PDE3A: variants seen among roughly 807,000 people sequenced by gnomAD.
PDE3A encodes cGMP-inhibited 3',5'-cyclic phosphodiesterase 3A.
In PDE3A, 43 loss-of-function variants were observed where a neutral mutation model predicts 98.3. The ratio of observed to expected loss-of-function variants is 0.44; its 90% CI spans 0.34 to 0.56. The LOEUF (loss-of-function observed/expected upper bound fraction) is 0.56, where lower values mean the gene tolerates loss of function less well. Ranked by LOEUF, PDE3A falls within the 20% of genes least tolerant of loss-of-function variation. The pLI is 0.01. For synonymous variants in PDE3A, 663 were observed against 567.9 expected (o/e 1.17, Z -2.38); for missense variants, 1,427 against 1,440.7 (o/e 0.99, Z 0.15).
Position 20,637,115 on chromosome 12 carries a change from G to T in PDE3A, c.2017G>T (p.Ala673Ser). Reference sequence around the variant, plus strand: ...AACATTACAGGACAAACCAATTCTTGCTCCCGAACCTCTTGTCATGGATAA... The same window carrying T: ...AACATTACAGGACAAACCAATTCTTTCTCCCGAACCTCTTGTCATGGATAA... ...TMMFLDKPIL[A>S]PEPLVMDNLD... Residue 673 changes from alanine to serine, a missense_variant, in exon 9 of 16, where the codon GCT becomes TCT. Ala to Ser is a moderately conservative substitution (Grantham distance 99, BLOSUM62 1). Around this residue, in one of 3 missense-constraint regions of PDE3A, gnomAD observed 1,012 missense variants for 886.5 expected, o/e 1.14. Coordinates refer to ENST00000359062, the MANE Select transcript of PDE3A (RefSeq NM_000921.5). 1 of 1,606,016 alleles carries T rather than the reference G, an allele frequency of 6.2e-7. No individual in the cohort carries two copies. Among genetic ancestry groups the T allele is most frequent in the African/African-American group, 1.3e-5 (1 of 74,524 alleles).
At chr12:20,507,924 G>A (rs532897260) in intron 1 of PDE3A, among the ~76,000 whole-genome samples, 2 of 152,086 alleles carry the variant, frequency 1.3e-5, no homozygotes, top group Non-Finnish European at 2.9e-5. Flanking sequence ...AAATTAGCCC[G>A]AGTGATCCTT....
At chr12:20,424,406 A>AT (rs1373549349) in intron 1 of PDE3A, among the ~76,000 whole-genome samples, 2 of 131,344 alleles carry the variant, frequency 1.5e-5, no homozygotes, top group Admixed American at 8.1e-5. Flanking sequence ...TTAGTAGAAA[A>AT]ATTTTTCTAT....
chr12:20,520,558 G>A (rs1489986495), intron 1 of PDE3A, among the ~76,000 whole-genome samples: 2 of 152,204 alleles, frequency 1.3e-5, no homozygotes, highest in South Asian at 2.1e-4. Context: ...ATGTCTGCCA[G>A]TAGAATGAGA....
At chr12:20,593,547 GAA>G (rs11346487) in intron 2 of PDE3A, among the ~76,000 whole-genome samples, 1,542 of 146,734 alleles carry the variant, frequency 0.011, 18 homozygotes, top group African/African-American at 0.03. Flanking sequence ...GCTTTTTAAG[GAA>G]AAAAAAAAAA....
intron 2 of PDE3A, among the ~76,000 whole-genome samples, chr12:20,594,413 A>G (rs1169626566): frequency 6.6e-6 from 1 of 152,188 alleles, no homozygotes; most frequent in Admixed American, 6.5e-5. Context: ...TCCTTTCTAT[A>G]TTTAGAAATT....
chr12:20,617,934 ATTC>A (rs1430668156), intron 4 of PDE3A, among the ~76,000 whole-genome samples: 2 of 152,162 alleles, frequency 1.3e-5, no homozygotes, highest in Non-Finnish European at 1.5e-5. Flanking sequence ...GGATCTTGTC[ATTC>A]TTCTTTGTAA....
At chr12:20,619,434 A>C (rs1944082762) in intron 4 of PDE3A, among the ~76,000 whole-genome samples, 1 of 152,086 alleles carries the variant, frequency 6.6e-6, no homozygotes, top group Non-Finnish European at 1.5e-5. Context: ...TAAAAAGCCT[A>C]CTTAGAAAAG....
chr12:20,495,521 C>T (rs1355098627), intron 1 of PDE3A, among the ~76,000 whole-genome samples: 1 of 151,988 alleles, frequency 6.6e-6, no homozygotes, highest in Non-Finnish European at 1.5e-5. Flanking sequence ...TTGTCTGTTT[C>T]ACAGGCATTT....
At chr12:20,477,899 C>T (rs1945557072) in intron 1 of PDE3A, among the ~76,000 whole-genome samples, 1 of 152,168 alleles carries the variant, frequency 6.6e-6, no homozygotes, top group Admixed American at 6.5e-5. Flanking sequence ...GCTTCAACAG[C>T]TTGCCTTTCT....
At chr12:20,540,648 T>C (rs934528043) in intron 1 of PDE3A, among the ~76,000 whole-genome samples, 3 of 152,110 alleles carry the variant, frequency 2.0e-5, no homozygotes, top group African/African-American at 4.8e-5. Context: ...CATGTTTGAA[T>C]GTGTTTCTGT....
chr12:20,643,569 T>A (rs1424285419), intron 10 of PDE3A, among the ~76,000 whole-genome samples: 1 of 152,194 alleles, frequency 6.6e-6, no homozygotes, highest in Non-Finnish European at 1.5e-5. Context: ...CTCCTACACA[T>A]ACACACATAT....
chr12:20,481,918 C>A (rs1364580897), intron 1 of PDE3A, among the ~76,000 whole-genome samples: 2 of 151,252 alleles, frequency 1.3e-5, no homozygotes, highest in Admixed American at 1.3e-4. Flanking sequence ...GCGCCCGCCA[C>A]CACGCCCAGC....
chr12:20,461,874 C>A (rs976226358), intron 1 of PDE3A, among the ~76,000 whole-genome samples: 1 of 152,094 alleles, frequency 6.6e-6, no homozygotes, highest in Non-Finnish European at 1.5e-5. Flanking sequence ...ATTATTATCT[C>A]TCTGCAGTGT....
intron 1 of PDE3A, among the ~76,000 whole-genome samples, chr12:20,465,731 A>T (rs1364652077): frequency 6.6e-6 from 1 of 152,172 alleles, no homozygotes; most frequent in African/African-American, 2.4e-5. Context: ...TTAAAAATTT[A>T]AAATGGTAGC....
chr12:20,386,102 T>TATATATAAA, intron 1 of PDE3A, among the ~76,000 whole-genome samples: 1 of 14,618 alleles, frequency 6.8e-5, no homozygotes, highest in African/African-American at 1.8e-4. Context: ...TATATATAAA[T>TATATATAAA]ATATATATAA....
intron 5 of PDE3A, among the ~76,000 whole-genome samples, chr12:20,626,078 G>A (rs969777927): frequency 1.2e-4 from 18 of 152,134 alleles, no homozygotes; most frequent in Middle Eastern, 3.4e-3. Flanking sequence ...GATTTTCAAA[G>A]GTTTTAACGG....
At chr12:20,546,618 T>A (rs1201012322) in intron 1 of PDE3A, among the ~76,000 whole-genome samples, 2 of 152,086 alleles carry the variant, frequency 1.3e-5, no homozygotes, top group Non-Finnish European at 2.9e-5. Context: ...GTTAAAGAAG[T>A]GCTTTTAGTT....
intron 15 of PDE3A, among the ~76,000 whole-genome samples, chr12:20,668,484 G>A (rs535802955): frequency 6.6e-6 from 1 of 152,268 alleles, no homozygotes; most frequent in African/African-American, 2.4e-5. Context: ...GGTTCTCCCA[G>A]CATGCAGCTG....
chr12:20,560,183 G>C (rs368600194), intron 2 of PDE3A, among the ~76,000 whole-genome samples: 2 of 152,198 alleles, frequency 1.3e-5, no homozygotes, highest in African/African-American at 4.8e-5. Context: ...AAGGGTGTCA[G>C]TTTGGGAATG....
Sources: gnomAD v4.1 joint callset for allele counts (sites outside exome capture counted in the v4.1 genomes callset) on GRCh38, gnomAD v4.1.1 for gene constraint, gnomAD v4.1.1 regional missense constraint, MANE v1.5 for transcripts, NCBI Gene and HGNC (gene_info 2026-07-23, HGNC 2026-07-21) for gene names.